Variants in UBAC2 observed in about 807,000 individuals in gnomAD.
UBAC2 encodes the protein UBA domain containing 2.
In UBAC2, 26 loss-of-function variants were observed where a neutral mutation model predicts 44.0. The observed-to-expected ratio is 0.59, with a 90% CI of 0.43 to 0.82. The LOEUF (loss-of-function observed/expected upper bound fraction) is 0.82, where lower values mean the gene tolerates loss of function less well. UBAC2 is among the 40% of genes least tolerant of loss of function. UBAC2 has a pLI of 0.00. For synonymous variants in UBAC2, 155 were observed against 154.3 expected (o/e 1.00, Z -0.04); for missense variants, 329 against 419.4 (o/e 0.78, Z 1.88).
chr13:99,318,072 A>G lies in UBAC2; in HGVS notation c.561+3A>G. ...GGATTGTAGCCATAAGTGGACTTGTAAGTGTGACTACCCTTTTACACCCAA... is the reference window on the plus strand; with the variant it reads ...GGATTGTAGCCATAAGTGGACTTGTGAGTGTGACTACCCTTTTACACCCAA... On this transcript the variant is annotated splice_donor_region_variant and intron_variant, in intron 6 of 8. Transcript: ENST00000403766. 2 of 1,611,412 alleles carry G rather than the reference A, an allele frequency of 1.2e-6. No homozygotes were observed. Among genetic ancestry groups the G allele is most frequent in the South Asian group, 1.1e-5 (1 of 90,766 alleles).
chr13:99,287,643 C>CTTTTTTTTTTTTTTTTT (rs11304203), intron 4 of UBAC2, among the ~76,000 whole-genome samples: 24 of 95,144 alleles, frequency 2.5e-4, no homozygotes, highest in Admixed American at 3.7e-4. Context: ...TTTTTTCTTT[C>CTTTTTTTTTTTTTTTTT]TTTTTTTTTT....
chr13:99,226,926 C>T (rs185118613), intron 1 of UBAC2, among the ~76,000 whole-genome samples: 23 of 152,254 alleles, frequency 1.5e-4, no homozygotes, highest in African/African-American at 4.3e-4. Flanking sequence ...TGGCTGGGCG[C>T]GGTGGCTCAT....
Position 99,385,741 on chromosome 13 carries a change from A to G in UBAC2, c.*406A>G. The G allele has an allele frequency of 5.8e-6, 1 of 173,314 alleles. No homozygotes were observed. Among genetic ancestry groups the G allele is most frequent in the South Asian group, 1.5e-4 (1 of 6,688 alleles). 10.7% of individuals were successfully genotyped at this position (173,314 alleles called of 1,614,324 possible). A position where few individuals can be genotyped will look rare whatever the true frequency, so the allele number is the denominator to read the frequency against. ...AGGGTAATGTTACTTCACAAAGGAC[A>G]TGTCAGATCCTTCTTCATGGACTTT... On this transcript the variant is annotated 3_prime_UTR_variant, in exon 9 of 9. Coordinates refer to ENST00000403766, the MANE Select transcript of UBAC2 (RefSeq NM_001144072.2).
chr13:99,216,305 A>G (rs2042994971), intron 1 of UBAC2, among the ~76,000 whole-genome samples: 1 of 152,076 alleles, frequency 6.6e-6, no homozygotes, highest in Non-Finnish European at 1.5e-5. Flanking sequence ...GGTTTTCACC[A>G]TGTTGGCCAG....
At chr13:99,236,238 A>T (rs1051844785) in intron 1 of UBAC2, among the ~76,000 whole-genome samples, 1 of 152,252 alleles carries the variant, frequency 6.6e-6, no homozygotes, top group Non-Finnish European at 1.5e-5. Flanking sequence ...CCAGTTGCAC[A>T]GCAAAAGAAA....
At chr13:99,290,460 T>C (rs2044074721) in intron 4 of UBAC2, among the ~76,000 whole-genome samples, 1 of 152,010 alleles carries the variant, frequency 6.6e-6, no homozygotes, top group African/African-American at 2.4e-5. Context: ...GCGCAGTGGT[T>C]TACGCTTGTA....
intron 4 of UBAC2, among the ~76,000 whole-genome samples, chr13:99,296,385 C>T (rs2044173996): frequency 6.6e-6 from 1 of 152,058 alleles, no homozygotes; most frequent in African/African-American, 2.4e-5. Context: ...TGTGTTTTTA[C>T]TCTCACAATT....
intron 4 of UBAC2, among the ~76,000 whole-genome samples, chr13:99,281,125 G>A (rs1252752264): frequency 6.6e-6 from 1 of 151,966 alleles, no homozygotes; most frequent in African/African-American, 2.4e-5. Flanking sequence ...GGCAGAGGAG[G>A]TTGCAGTGAG....
At chr13:99,316,491 G>A (rs2044492687) in intron 5 of UBAC2, among the ~76,000 whole-genome samples, 1 of 152,100 alleles carries the variant, frequency 6.6e-6, no homozygotes, top group African/African-American at 2.4e-5. Flanking sequence ...GCTCATTTAA[G>A]TATCCAATGA....
At chr13:99,243,517 G>T (rs559821714) in intron 2 of UBAC2, among the ~76,000 whole-genome samples, 2 of 151,858 alleles carry the variant, frequency 1.3e-5, no homozygotes, top group African/African-American at 2.4e-5. Context: ...TCTAGTTTAC[G>T]TATATAATTT....
intron 7 of UBAC2, among the ~76,000 whole-genome samples, chr13:99,347,543 A>G (rs1282055583): frequency 2.0e-5 from 3 of 151,950 alleles, no homozygotes; most frequent in Admixed American, 2.0e-4. Context: ...CGTTCAAGTT[A>G]CTTTCACTCT....
chr13:99,231,808 A>G (rs947375797), intron 1 of UBAC2, among the ~76,000 whole-genome samples: 1 of 152,228 alleles, frequency 6.6e-6, no homozygotes, highest in Non-Finnish European at 1.5e-5. Flanking sequence ...AGATGAGGCA[A>G]CACAACTACA....
chr13:99,261,910 GCTTCAGTTAC>G (rs748646123), intron 4 of UBAC2, among the ~76,000 whole-genome samples: 46 of 152,322 alleles, frequency 3.0e-4, no homozygotes, highest in Middle Eastern at 6.8e-3. Flanking sequence ...GCTGTCTGAG[GCTTCAGTTAC>G]CTTCAGTTAC....
chr13:99,286,067 T>G (rs111239052), intron 4 of UBAC2, among the ~76,000 whole-genome samples: 1 of 152,192 alleles, frequency 6.6e-6, no homozygotes, highest in African/African-American at 2.4e-5. Context: ...CCAGTCCTTA[T>G]GTGTTCCAGG....
At chr13:99,363,688 G>A (rs2045294820) in intron 7 of UBAC2, among the ~76,000 whole-genome samples, 1 of 152,162 alleles carries the variant, frequency 6.6e-6, no homozygotes, top group African/African-American at 2.4e-5. Flanking sequence ...TAGTCAACAT[G>A]GAAAGATACT....
At chr13:99,246,211 A>C (rs181774690) in intron 4 of UBAC2, among the ~76,000 whole-genome samples, 43 of 152,316 alleles carry the variant, frequency 2.8e-4, no homozygotes, top group African/African-American at 1.0e-3. Context: ...AATATCCATG[A>C]ATGTTGACCT....
chr13:99,243,696 G>A (rs535194469), intron 2 of UBAC2, 136 bp from the exon 3 acceptor site: 2 of 741,694 alleles, frequency 2.7e-6, no homozygotes, highest in African/African-American at 3.6e-5. Context: ...TACATATATA[G>A]TTTTCCTTTG....
At chr13:99,324,520 T>G (rs1466599693) in intron 6 of UBAC2, among the ~76,000 whole-genome samples, 10 of 152,234 alleles carry the variant, frequency 6.6e-5, no homozygotes, top group Non-Finnish European at 1.3e-4. Flanking sequence ...ATCTTTGTTA[T>G]AAGCTACTGA....
intron 4 of UBAC2, among the ~76,000 whole-genome samples, chr13:99,292,236 C>T (rs1338333450): frequency 3.3e-5 from 5 of 151,730 alleles, no homozygotes; most frequent in Non-Finnish European, 7.4e-5. Context: ...CCCAGGTTCA[C>T]GCCATTCTCC....
Sources: allele counts gnomAD v4.1 joint callset (sites outside exome capture counted in the v4.1 genomes callset), GRCh38; gene constraint gnomAD v4.1.1; transcripts MANE v1.5; gene names NCBI Gene and HGNC (gene_info 2026-07-23, HGNC 2026-07-21).